ABCC6: variants seen among roughly 807,000 people sequenced by gnomAD.
The protein encoded by ABCC6 is ATP binding cassette subfamily C member 6.
A neutral mutation model predicts 169.5 loss-of-function variants in ABCC6; 126 were observed. That is an observed-to-expected ratio of 0.74 (90% CI 0.64 to 0.86). ABCC6 has a LOEUF of 0.86. ABCC6 is among the 40% of genes least tolerant of loss of function. ABCC6 has a pLI of 0.00. For synonymous variants in ABCC6, 752 were observed against 814.7 expected, an observed-to-expected ratio of 0.92 and a Z score of 1.31; for missense variants, 1,733 against 1,927.2, an observed-to-expected ratio of 0.90 and a Z score of 1.89.
At chr16:16,195,592 C>T (rs1314043732) in intron 10 of ABCC6, among the ~76,000 whole-genome samples, 5 of 152,122 alleles carry the variant, frequency 3.3e-5, no homozygotes, top group South Asian at 2.1e-4. Flanking sequence ...GGATTACAGG[C>T]GTGAGCCACC....
chr16:16,172,145 ATGAG>A (rs1398896061), intron 21 of ABCC6, among the ~76,000 whole-genome samples: 5 of 116,336 alleles, frequency 4.3e-5, no homozygotes, highest in Non-Finnish European at 5.3e-5. Context: ...GGATGCATAA[ATGAG>A]TGAGTGGGAT....
At chr16:16,189,171 A>G (rs2047756693) in intron 12 of ABCC6, among the ~76,000 whole-genome samples, 197 bp from the exon 13 acceptor site, 2 of 152,200 alleles carry the variant, frequency 1.3e-5, no homozygotes, top group South Asian at 2.1e-4. Flanking sequence ...GGCTCTCTCT[A>G]AAGACACAGC....
chr16:16,194,280 T>C (rs1362561990), intron 10 of ABCC6, among the ~76,000 whole-genome samples: 1 of 152,246 alleles, frequency 6.6e-6, no homozygotes. Flanking sequence ...TCGCAAGGGT[T>C]GTCAGATTTA....
rs1191710283 is a variant in ABCC6, at chr16:16,182,430, G to A, written c.2229C>T (p.His743=). The A allele has an allele frequency of 4.3e-6, 7 of 1,614,008 alleles. No homozygotes were observed. Among genetic ancestry groups the A allele is most frequent in the Non-Finnish European group, 5.9e-6 (7 of 1,180,024 alleles). ...PDVDSFPEGI[H]TSIGEQGMNL... is the part of the protein sequence containing the mutation. ...CTCTCACCTGCTCCCCAATTGAAGT[G>A]TGGATTCCCTCAGGGAAGCTGTCCA... The change falls in exon 17 of 31, where the codon CAC becomes CAT. Residue 743 remains histidine (H), a synonymous_variant. Coordinates refer to ENST00000205557, the MANE Select transcript of ABCC6 (RefSeq NM_001171.6).
At chr16:16,185,526 G>A (rs1164643660) in intron 14 of ABCC6, among the ~76,000 whole-genome samples, 1 of 152,198 alleles carries the variant, frequency 6.6e-6, no homozygotes, top group Non-Finnish European at 1.5e-5. Context: ...TCTCATGCCT[G>A]TAATCCCAGC....
intron 12 of ABCC6, 118 bp from the exon 13 acceptor site, chr16:16,189,092 G>C: frequency 8.3e-7 from 1 of 1,203,068 alleles, no homozygotes; most frequent in Non-Finnish European, 1.2e-6. Context: ...GTCCGCATGT[G>C]CTTCCCTCCG....
At position 16,208,790 on chromosome 16, in the gene ABCC6, G is replaced by A; in HGVS notation, c.732C>T (p.Ser244=). 1 of 1,613,388 alleles carries A rather than the reference G, an allele frequency of 6.2e-7. No individual in the cohort carries two copies. The highest frequency in any genetic ancestry group is 8.5e-7 in the Non-Finnish European group (1 of 1,179,756). The change falls in exon 7 of 31, where the codon TCC becomes TCT. Residue 244 remains serine, a synonymous_variant. Coordinates refer to ENST00000205557, the MANE Select transcript of ABCC6 (RefSeq NM_001171.6). ...KDLWSLGREN[S]SEELVSRLEK... ...CAAGCCGGGAAACAAGTTCTTCTGA[G>A]GAGTTTTCTCTCCCAAGCGACCAGA...
intron 20 of ABCC6, among the ~76,000 whole-genome samples, chr16:16,174,762 C>T (rs548037773): frequency 1.1e-5 from 1 of 91,948 alleles, no homozygotes; most frequent in Non-Finnish European, 2.6e-5. Context: ...GTCTCAAAAC[C>T]CCCCCCCGCA....
intron 20 of ABCC6, 65 bp from the exon 21 acceptor site, chr16:16,173,469 A>T: frequency 6.2e-7 from 1 of 1,607,316 alleles, no homozygotes; most frequent in Non-Finnish European, 8.5e-7. Flanking sequence ...TATGTGCCTA[A>T]CCCTCAGGCC....
At position 16,157,682 on chromosome 16, in the gene ABCC6, T is replaced by C. The variant is rs751910206; in HGVS notation, c.3863A>G (p.Lys1288Arg). 14 of 1,614,100 alleles carry C rather than the reference T, an allele frequency of 8.7e-6. No homozygotes were observed. Among genetic ancestry groups the C allele is most frequent in the Admixed American group, 1.7e-5 (1 of 60,010 alleles). Residue 1288 changes from lysine to arginine, a missense_variant, in exon 27 of 31, where the codon AAG (lysine) becomes AGG (arginine). Around this residue, in one of 5 missense-constraint regions of ABCC6, gnomAD observed 1,601 missense variants for 1,635.5 expected, o/e 0.98. Coordinates refer to ENST00000205557, the MANE Select transcript of ABCC6 (RefSeq NM_001171.6). ...ACTCACCTTCTCTCCTGCGTGGATC[T>C]TGAAGGACACGCCCTGCACAGCCAG... The part of the protein sequence containing the change: ...LPLAVQGVSF[K>R]IHAGEKVGIV...
chr16:16,204,457 G>C (rs1188531937), intron 7 of ABCC6, among the ~76,000 whole-genome samples: 1 of 152,220 alleles, frequency 6.6e-6, no homozygotes, highest in East Asian at 1.9e-4. Context: ...TTTTGAACTG[G>C]TGGAGAATCA....
chr16:16,203,666 C>T (rs1383387452), intron 7 of ABCC6, 53 bp from the exon 8 acceptor site: 2 of 1,604,170 alleles, frequency 1.2e-6, no homozygotes, highest in African/African-American at 2.7e-5. Context: ...TCTCAGCCGC[C>T]AGCGGCAGGG....
At chr16:16,215,065 A>G (rs2048807346) in intron 4 of ABCC6, among the ~76,000 whole-genome samples, 1 of 152,238 alleles carries the variant, frequency 6.6e-6, no homozygotes, top group African/African-American at 2.4e-5. Flanking sequence ...TTGTGCCACA[A>G]AAGAAATCCT....
At chr16:16,183,727 G>C (rs1419615801) in intron 15 of ABCC6, among the ~76,000 whole-genome samples, 3 of 152,148 alleles carry the variant, frequency 2.0e-5, no homozygotes, top group Middle Eastern at 3.4e-3. Flanking sequence ...ACCAGTAGGG[G>C]GTGCTGCTGG....
chr16:16,175,110 A>G (rs2047234574), intron 20 of ABCC6, among the ~76,000 whole-genome samples: 2 of 151,800 alleles, frequency 1.3e-5, no homozygotes, highest in African/African-American at 4.8e-5. Flanking sequence ...TTTTAACATG[A>G]CTACCTATCC....
intron 27 of ABCC6, chr16:16,155,429 A>C: frequency 3.7e-6 from 1 of 270,700 alleles, no homozygotes; most frequent in Non-Finnish European, 7.1e-6. Context: ...TCCATCCATC[A>C]TCCATCCTCA....
chr16:16,188,689 G>A (rs892608709), intron 13 of ABCC6, 142 bp downstream of exon 13: 58 of 1,214,354 alleles, frequency 4.8e-5, no homozygotes, highest in Admixed American at 9.9e-5. Context: ...GCCCCTACCC[G>A]CCTCTTTTCC....
At chr16:16,201,960 T>G (rs749511456) in intron 9 of ABCC6, 41 bp downstream of exon 9, 28 of 1,612,810 alleles carry the variant, frequency 1.7e-5, no homozygotes, top group Non-Finnish European at 1.4e-5. Context: ...GATACTGCTT[T>G]TCCTGGCTGG....
intron 19 of ABCC6, 145 bp from the exon 20 acceptor site, chr16:16,176,131 C>G (rs2047271358): frequency 1.3e-5 from 10 of 753,726 alleles, no homozygotes; most frequent in Middle Eastern, 4.5e-4. Flanking sequence ...CTCAACACCC[C>G]ACTCTGAGTT....
Sources: gnomAD v4.1 joint callset for allele counts (sites outside exome capture counted in the v4.1 genomes callset) on GRCh38, gnomAD v4.1.1 for gene constraint, gnomAD v4.1.1 regional missense constraint, MANE v1.5 for transcripts, NCBI Gene and HGNC (gene_info 2026-07-23, HGNC 2026-07-21) for gene names.